Variants in BRAF observed in about 807,000 individuals in gnomAD.
BRAF encodes the protein B-Raf proto-oncogene, serine/threonine kinase, also known as serine/threonine-protein kinase B-raf.
BRAF carries 16 observed loss-of-function variants against 104.6 expected under a neutral mutation model. The ratio of observed to expected loss-of-function variants is 0.15; its 90% CI spans 0.10 to 0.23. The LOEUF is 0.23. BRAF is among the 10% of genes least tolerant of loss of function. The pLI is 1.00. For missense variants in BRAF, 541 were observed against 937.3 expected, an observed-to-expected ratio of 0.58 and a Z score of 5.52; for synonymous variants, 310 against 341.6, an observed-to-expected ratio of 0.91 and a Z score of 1.02.
Position 140,809,005 on chromosome 7 carries a change from C to T in BRAF, c.505-10G>A. ...CACACCTTGCAGGTACCTATGGTAT[C>T]ATAAATATATTGATAAGAGGTAAAG... On this transcript the variant is annotated splice_polypyrimidine_tract_variant and intron_variant, in intron 3 of 19. Coordinates refer to ENST00000644969, the MANE Select transcript of BRAF (RefSeq NM_001374258.1). 6.3e-7 allele frequency: 1 copy of T among 1,596,156 alleles called. No homozygotes were observed. The highest frequency in any genetic ancestry group is 8.6e-7 in the Non-Finnish European group (1 of 1,164,372).
chr7:140,790,687 A>T (rs1393297518), intron 8 of BRAF, among the ~76,000 whole-genome samples: 1 of 152,214 alleles, frequency 6.6e-6, no homozygotes, highest in African/African-American at 2.4e-5. Context: ...AGTCTCTGAG[A>T]GACATAATTT....
At chr7:140,790,590 A>G (rs1385773635) in intron 8 of BRAF, among the ~76,000 whole-genome samples, 3 of 152,324 alleles carry the variant, frequency 2.0e-5, no homozygotes, top group Non-Finnish European at 2.9e-5. Flanking sequence ...GGCAAACACT[A>G]CTAGCCCCAG....
chr7:140,725,931 A>G lies in BRAF; in HGVS notation c.*563T>C. On this transcript the variant is annotated 3_prime_UTR_variant, in exon 20 of 20. Coordinates refer to ENST00000644969, the MANE Select transcript of BRAF (RefSeq NM_001374258.1). Reference sequence around the variant, plus strand: ...ATTTAAATAAAATAGTTTCCTTTTGATAAAATCTGTCAAGGCCTGAACACG... The same window carrying G: ...ATTTAAATAAAATAGTTTCCTTTTGGTAAAATCTGTCAAGGCCTGAACACG... 1 of 1,063,380 alleles carries G rather than the reference A, an allele frequency of 9.4e-7. No homozygotes were observed. Among genetic ancestry groups the G allele is most frequent in the Non-Finnish European group, 1.1e-6 (1 of 878,236 alleles). The allele number at this position is 1,063,380 out of a possible 1,614,324, so 65.9% of individuals were successfully genotyped here.
chr7:140,798,628 A>G (rs1428071418), intron 7 of BRAF, among the ~76,000 whole-genome samples: 1 of 148,682 alleles, frequency 6.7e-6, no homozygotes, highest in East Asian at 2.0e-4. Flanking sequence ...CCCCAAATTC[A>G]ATGTGAAAGA....
At chr7:140,753,836 CT>C (rs567453424) in intron 15 of BRAF, 27 of 356,868 alleles carry the variant, frequency 7.6e-5, no homozygotes, top group South Asian at 6.5e-4. Flanking sequence ...AATTTAGAGT[CT>C]TCAGTTATAT....
At position 140,740,053 on chromosome 7, in the gene BRAF, G is replaced by A; in HGVS notation, c.2113-107C>T. 4 of 1,231,850 alleles carry A rather than the reference G, an allele frequency of 3.2e-6. No homozygotes were observed. The South Asian group carries it at 3.9e-5, about 12-fold the overall frequency. 76.3% of individuals were successfully genotyped at this position (1,231,850 alleles called of 1,614,324 possible). Reference sequence around the variant, plus strand: ...AAGCTGTACATTTACAGCTTACGATGTATGTATTACACCTCAATAAAAAGT... The same window carrying A: ...AAGCTGTACATTTACAGCTTACGATATATGTATTACACCTCAATAAAAAGT... On this transcript the variant is annotated intron_variant, in intron 17 of 19. Coordinates refer to ENST00000644969, the MANE Select transcript of BRAF (RefSeq NM_001374258.1).
In BRAF at chr7:140,725,918, T is replaced by C. The variant is rs2130831424; in HGVS notation, c.*576A>G. ...CCACTCAGCCTCCATTTAAATAAAA[T>C]AGTTTCCTTTTGATAAAATCTGTCA... On this transcript the variant is annotated 3_prime_UTR_variant, in exon 20 of 20. Coordinates refer to ENST00000644969, the MANE Select transcript of BRAF (RefSeq NM_001374258.1). 1 of 1,062,888 alleles carries C rather than the reference T, an allele frequency of 9.4e-7. No individual in the cohort carries two copies. The highest frequency in any genetic ancestry group is 1.1e-6 in the Non-Finnish European group (1 of 877,936). The allele number at this position is 1,062,888 out of a possible 1,614,324, so 65.8% of individuals were successfully genotyped here.
intron 1 of BRAF, among the ~76,000 whole-genome samples, chr7:140,883,773 A>C (rs1813209865): frequency 6.6e-6 from 1 of 152,238 alleles, no homozygotes; most frequent in Non-Finnish European, 1.5e-5. Flanking sequence ...ATATAAAATA[A>C]AAAGAATTAC....
At chr7:140,906,104 A>G (rs1255900416) in intron 1 of BRAF, among the ~76,000 whole-genome samples, 3 of 150,378 alleles carry the variant, frequency 2.0e-5, no homozygotes, top group Non-Finnish European at 4.4e-5. Flanking sequence ...AAAAAAAAAA[A>G]AAAAGAAATT....
intron 14 of BRAF, among the ~76,000 whole-genome samples, chr7:140,759,451 A>AT (rs1159709084): frequency 3.9e-5 from 6 of 152,176 alleles, no homozygotes; most frequent in Non-Finnish European, 8.8e-5. Flanking sequence ...CAATGGCACG[A>AT]TTTTGGCTCA....
chr7:140,825,691 T>C (rs557579956), intron 3 of BRAF, among the ~76,000 whole-genome samples: 2 of 152,346 alleles, frequency 1.3e-5, no homozygotes, highest in South Asian at 4.1e-4. Flanking sequence ...ATCAAATTTA[T>C]AGCTTAACTT....
intron 14 of BRAF, among the ~76,000 whole-genome samples, chr7:140,759,003 AT>A (rs1272555450): frequency 6.6e-6 from 1 of 152,220 alleles, no homozygotes; most frequent in Non-Finnish European, 1.5e-5. Flanking sequence ...CTTTTCTCAA[AT>A]TTCATATAAA....
At position 140,924,551 on chromosome 7, in the gene BRAF, G is replaced by A. The variant is rs2129153088; in HGVS notation, c.138+15C>T. 6.5e-7 allele frequency: 1 copy of A among 1,533,436 alleles called. No individual in the cohort carries two copies. Among genetic ancestry groups the A allele is most frequent in the South Asian group, 1.2e-5 (1 of 84,052 alleles). 95.0% of individuals were successfully genotyped at this position (1,533,436 alleles called of 1,614,324 possible). A position where few individuals can be genotyped will look rare whatever the true frequency, so the allele number is the denominator to read the frequency against. ...CCCGGAGTCGGGAGGGCGGCAGGGT[G>A]GCGCCAGCACTCACCTCCTCCGGAA... On this transcript the variant is annotated intron_variant, in intron 1 of 19. Transcript: ENST00000644969. This position sits in a 1 kb window ranked among gnomAD's most constrained non-coding sequence, Gnocchi z 4.2.
intron 2 of BRAF, among the ~76,000 whole-genome samples, chr7:140,842,105 T>C (rs1179258024): frequency 6.6e-6 from 1 of 152,182 alleles, no homozygotes; most frequent in Non-Finnish European, 1.5e-5. Context: ...ATTGAAGGGT[T>C]TGACACAATG....
intron 1 of BRAF, among the ~76,000 whole-genome samples, chr7:140,897,333 T>C (rs750546583): frequency 6.6e-6 from 1 of 152,206 alleles, no homozygotes; most frequent in East Asian, 1.9e-4. Flanking sequence ...TGTGCACATA[T>C]GTACAAATGG....
intron 3 of BRAF, among the ~76,000 whole-genome samples, chr7:140,817,800 T>A (rs1297997988): frequency 1.3e-5 from 2 of 152,220 alleles, no homozygotes; most frequent in Non-Finnish European, 2.9e-5. Context: ...ATGTTCTTAT[T>A]ACAGCACTGT....
chr7:140,871,398 A>C (rs1001337832), intron 1 of BRAF, among the ~76,000 whole-genome samples: 3 of 152,190 alleles, frequency 2.0e-5, no homozygotes, highest in Admixed American at 6.5e-5. Flanking sequence ...CACCACAGGG[A>C]CAGAGGCTAC....
In BRAF at chr7:140,724,570, A is replaced by G. The variant is rs1795497390; in HGVS notation, c.*1924T>C. The G allele has an allele frequency of 9.6e-7, 1 of 1,041,466 alleles. No individual in the cohort carries two copies. Among genetic ancestry groups the G allele is most frequent in the African/African-American group, 1.7e-5 (1 of 59,828 alleles). 64.5% of individuals were successfully genotyped at this position (1,041,466 alleles called of 1,614,324 possible). On this transcript the variant is annotated 3_prime_UTR_variant, in exon 20 of 20. Transcript: ENST00000644969. ...ACTTAAGGATCTTTTCCATTTTACT[A>G]GGACAACCTTTTACAAGACAATGAA...
At chr7:140,770,527 C>CA (rs35621209) in intron 14 of BRAF, among the ~76,000 whole-genome samples, 12,836 of 62,942 alleles carry the variant, frequency 0.2, 1,017 homozygotes, top group Middle Eastern at 0.28. Context: ...TAAGGCCTGC[C>CA]AAAAAAAAAA....
Sources: allele counts gnomAD v4.1 joint callset (sites outside exome capture counted in the v4.1 genomes callset), GRCh38; gene constraint gnomAD v4.1.1; non-coding constraint Gnocchi (gnomAD v3.1); transcripts MANE v1.5; gene names NCBI Gene and HGNC (gene_info 2026-07-23, HGNC 2026-07-21).